Variants in GCNT2 observed in about 807,000 individuals in gnomAD.
GCNT2 encodes the protein glucosaminyl (N-acetyl) transferase 2 (I blood group).
In GCNT2, 34 loss-of-function variants were observed where a neutral mutation model predicts 34.2. The ratio of observed to expected loss-of-function variants is 1.00; its 90% CI spans 0.76 to 1.32. The LOEUF is 1.32. GCNT2 is among the 40% of genes most tolerant of loss of function. GCNT2 has a pLI of 0.00. For synonymous variants in GCNT2, 212 were observed against 188.0 expected, an observed-to-expected ratio of 1.13 and a Z score of -1.04; for missense variants, 584 against 489.4, an observed-to-expected ratio of 1.19 and a Z score of -1.82.
intron 3 of GCNT2, among the ~76,000 whole-genome samples, chr6:10,540,520 T>TCA (rs1216227477): frequency 6.6e-6 from 1 of 152,034 alleles, no homozygotes; most frequent in Admixed American, 6.6e-5. Context: ...TGTGTAGATC[T>TCA]CAGTTCCCTC....
At chr6:10,560,872 C>T (rs981603563) in intron 3 of GCNT2, among the ~76,000 whole-genome samples, 3 of 152,162 alleles carry the variant, frequency 2.0e-5, no homozygotes, top group Non-Finnish European at 4.4e-5. Context: ...CAGTCTCTCA[C>T]TCCTTTTCAG....
intron 3 of GCNT2, among the ~76,000 whole-genome samples, chr6:10,534,133 A>G (rs1581368532): frequency 1.1e-5 from 1 of 89,744 alleles, no homozygotes; most frequent in Non-Finnish European, 2.6e-5. Context: ...GCCAGATTCC[A>G]TGCTGCTCTT....
intron 3 of GCNT2, among the ~76,000 whole-genome samples, chr6:10,612,206 T>G (rs1765588923): frequency 2.0e-5 from 3 of 152,080 alleles, no homozygotes; most frequent in Admixed American, 6.6e-5. Context: ...AGGCTGGTCT[T>G]GAACTCCTGA....
intron 3 of GCNT2, among the ~76,000 whole-genome samples, chr6:10,614,398 G>A (rs1028352619): frequency 3.9e-5 from 6 of 152,140 alleles, no homozygotes; most frequent in Non-Finnish European, 8.8e-5. Context: ...AGGCCAGGGC[G>A]AGTGGAGCAC....
At chr6:10,573,574 A>G (rs34073056) in intron 3 of GCNT2, among the ~76,000 whole-genome samples, 1 of 152,192 alleles carries the variant, frequency 6.6e-6, no homozygotes, top group Non-Finnish European at 1.5e-5. Context: ...TAGGCTTTCT[A>G]CTACTGCCTT....
chr6:10,610,716 T>G (rs2127435269), intron 3 of GCNT2, among the ~76,000 whole-genome samples: 1 of 152,306 alleles, frequency 6.6e-6, no homozygotes, highest in East Asian at 1.9e-4. Context: ...GTTGGAGGCA[T>G]GCAAGAAAGT....
chr6:10,576,306 C>G (rs925384301), intron 3 of GCNT2, among the ~76,000 whole-genome samples: 7 of 152,166 alleles, frequency 4.6e-5, no homozygotes, highest in African/African-American at 1.7e-4. Flanking sequence ...ATTTTCGCAC[C>G]TCAACAGCAG....
intron 3 of GCNT2, among the ~76,000 whole-genome samples, chr6:10,580,382 C>T (rs537588255): frequency 6.6e-6 from 1 of 152,198 alleles, no homozygotes; most frequent in Non-Finnish European, 1.5e-5. Flanking sequence ...TGACCCTTCA[C>T]CAGCTTCCCG....
At chr6:10,586,939 T>G (rs746854282) in intron 3 of GCNT2, 5 of 1,515,460 alleles carry the variant, frequency 3.3e-6, no homozygotes, top group African/African-American at 2.7e-5. Context: ...CCATTCTGAT[T>G]GATAGATTGA....
intron 3 of GCNT2, among the ~76,000 whole-genome samples, chr6:10,548,020 C>T (rs925658047): frequency 3.3e-5 from 5 of 152,170 alleles, no homozygotes; most frequent in African/African-American, 1.2e-4. Context: ...CAAGCTAATC[C>T]TGCACTTAAC....
At chr6:10,556,467 G>A (rs900233332) in intron 3 of GCNT2, 3 of 1,614,004 alleles carry the variant, frequency 1.9e-6, no homozygotes, top group Non-Finnish European at 2.5e-6. Flanking sequence ...TCTGTCTCTA[G>A]TGTAATTATT....
At chr6:10,592,481 A>G (rs1256915362) in intron 3 of GCNT2, among the ~76,000 whole-genome samples, 1 of 152,146 alleles carries the variant, frequency 6.6e-6, no homozygotes, top group East Asian at 1.9e-4. Flanking sequence ...TGATGGGTCT[A>G]CATCATAAGA....
intron 3 of GCNT2, among the ~76,000 whole-genome samples, chr6:10,602,743 C>G (rs1765138673): frequency 6.6e-6 from 1 of 152,154 alleles, no homozygotes; most frequent in Admixed American, 6.6e-5. Flanking sequence ...TGAATGAATT[C>G]TGCATTTATA....
Position 10,626,423 on chromosome 6 carries a change from A to G in GCNT2, c.1025A>G (p.Tyr342Cys), listed in dbSNP as rs786205577. The change falls in exon 5 of 5, where the codon TAT (tyrosine) becomes TGT (cysteine). Residue 342 changes from tyrosine (Y) to cysteine (C), a missense_variant. Tyr to Cys is a radical substitution (Grantham distance 194). Transcript: ENST00000495262. ...EDRHGGCHGH[Y>C]VHGICIYGNG... ...CTTGTTCTTTCTTTTGCAGGCCACT[A>G]TGTACATGGTATTTGTATCTATGGA... The G allele has an allele frequency of 1.1e-5, 17 of 1,609,292 alleles. No individual in the cohort carries two copies. The highest frequency in any genetic ancestry group is 1.3e-5 in the African/African-American group (1 of 74,824).
intron 3 of GCNT2, among the ~76,000 whole-genome samples, chr6:10,602,987 C>T (rs182656764): frequency 6.6e-5 from 10 of 152,280 alleles, no homozygotes; most frequent in Admixed American, 6.5e-5. Context: ...GGAAATGCCA[C>T]CTGAAATGCA....
chr6:10,599,280 A>G (rs547770072), intron 3 of GCNT2, among the ~76,000 whole-genome samples: 1 of 152,342 alleles, frequency 6.6e-6, no homozygotes, highest in Non-Finnish European at 1.5e-5. Context: ...CTGCAACGCT[A>G]GGAAACACAG....
chr6:10,621,735 G>A (rs549234028), intron 4 of GCNT2: 1 of 380,514 alleles, frequency 2.6e-6, no homozygotes, highest in East Asian at 6.4e-5. Context: ...TTAGAGACAG[G>A]GTTTCACTCT....
At chr6:10,542,329 T>A (rs1326213402) in intron 3 of GCNT2, among the ~76,000 whole-genome samples, 1 of 152,178 alleles carries the variant, frequency 6.6e-6, no homozygotes, top group Non-Finnish European at 1.5e-5. Flanking sequence ...TTTCCCCCTC[T>A]TAAAGGTAAC....
intron 3 of GCNT2, among the ~76,000 whole-genome samples, chr6:10,564,774 T>C (rs1340289016): frequency 6.6e-6 from 1 of 152,340 alleles, no homozygotes; most frequent in South Asian, 2.1e-4. Flanking sequence ...TTTTCATCTA[T>C]AAGATGGATA....
Sources: gnomAD v4.1 joint callset for allele counts (sites outside exome capture counted in the v4.1 genomes callset) on GRCh38, gnomAD v4.1.1 for gene constraint, MANE v1.5 for transcripts, NCBI Gene and HGNC (gene_info 2026-07-23, HGNC 2026-07-21) for gene names.